The following STYXL1 variants were observed in gnomAD, a reference collection of about 807,000 sequenced individuals.
The protein encoded by STYXL1 is serine/threonine/tyrosine-interacting-like protein 1.
A neutral mutation model predicts 36.4 loss-of-function variants in STYXL1; 32 were observed. That is an observed-to-expected ratio of 0.88 (90% confidence interval 0.66 to 1.18). The LOEUF (loss-of-function observed/expected upper bound fraction) is 1.18. Among genes scored for constraint, STYXL1 ranks in the 50% most tolerant of loss-of-function variants. STYXL1 has a pLI of 0.00. For synonymous variants in STYXL1, 133 were observed against 144.1 expected, an observed-to-expected ratio of 0.92 and a Z score of 0.55; for missense variants, 354 against 394.1, an observed-to-expected ratio of 0.90 and a Z score of 0.86.
intron 8 of STYXL1, chr7:76,000,364 T>C (rs1790735475): frequency 1.1e-5 from 5 of 454,486 alleles, no homozygotes; most frequent in Admixed American, 4.7e-5. Flanking sequence ...TGGGCAAATG[T>C]TGGGGCTTTG....
intron 8 of STYXL1, chr7:76,000,337 T>TC: frequency 2.0e-5 from 9 of 443,450 alleles, no homozygotes; most frequent in South Asian, 1.4e-4. Flanking sequence ...TCCCTCTCCT[T>TC]CCCCCAAAAA....
chr7:76,036,825 C>G (rs1795956968), intron 1 of STYXL1, among the ~76,000 whole-genome samples: 1 of 124,400 alleles, frequency 8.0e-6, no homozygotes. Flanking sequence ...CACTCTGTTG[C>G]CCAGGCTGGA....
chr7:76,028,618 C>T, intron 3 of STYXL1, 24 bp downstream of exon 3: 1 of 1,612,568 alleles, frequency 6.2e-7, no homozygotes, highest in Non-Finnish European at 8.5e-7. Context: ...CAGCCTGCCC[C>T]AGATCCTGAC....
intron 1 of STYXL1, among the ~76,000 whole-genome samples, chr7:76,046,321 TGTGTGTGTGTGTGTGTGTGCGCGCGCGC>T (rs1290291907): frequency 0.15 from 4,862 of 32,840 alleles, 206 homozygotes; most frequent in Admixed American, 0.24. Flanking sequence ...TGTGTGTGTG[TGTGTGTGTGTGTGTGTGTGCGCGCGCGC>T]GCGCGCGCGC....
At chr7:76,016,737 T>C (rs1793425261) in intron 4 of STYXL1, among the ~76,000 whole-genome samples, 1 of 152,066 alleles carries the variant, frequency 6.6e-6, no homozygotes, top group Admixed American at 6.6e-5. Context: ...CAAAAAATAA[T>C]AGATGTTGAC....
At chr7:76,027,313 G>A (rs1554578000) in intron 3 of STYXL1, among the ~76,000 whole-genome samples, 1 of 152,058 alleles carries the variant, frequency 6.6e-6, no homozygotes, top group South Asian at 2.1e-4. Flanking sequence ...AGAGGGGACA[G>A]GAGGGGAATG....
chr7:76,026,192 CAAAAAAAAAAAAAAAAAAAAAAA>C (rs1159067824), intron 3 of STYXL1, among the ~76,000 whole-genome samples: 9 of 18,612 alleles, frequency 4.8e-4, no homozygotes, highest in Admixed American at 1.9e-3. Context: ...ACTCTGTCTC[CAAAAAAAAAAAAAAAAAAAAAAA>C]AAAAAAAAAA....
At position 76,028,663 on chromosome 7, in the gene STYXL1, G is replaced by T. The variant is rs1432458829; in HGVS notation, c.144C>A (p.Ile48=). 6.2e-7 allele frequency: 1 copy of T among 1,613,998 alleles called. No individual in the cohort carries two copies. The highest frequency in any genetic ancestry group is 1.3e-5 in the African/African-American group (1 of 74,930). ...GTACCTTCTTCACTCGAAGGGCAGT[G>T]ATCACATGGCTTTCGTCATACTCCC... ...SKWEYDESHV[I]TALRVKKKNN... The change falls in exon 3 of 9, where the codon ATC becomes ATA. Residue 48 remains isoleucine (I), a synonymous_variant. Transcript: ENST00000359697.
chr7:76,026,306 T>C (rs1034915206), intron 3 of STYXL1, among the ~76,000 whole-genome samples: 4 of 151,064 alleles, frequency 2.6e-5, no homozygotes, highest in Non-Finnish European at 4.4e-5. Context: ...AGTTTTATTT[T>C]ATTACTTTTG....
chr7:76,034,622 T>C (rs1795736681), intron 1 of STYXL1, among the ~76,000 whole-genome samples: 1 of 152,214 alleles, frequency 6.6e-6, no homozygotes, highest in Non-Finnish European at 1.5e-5. Flanking sequence ...AGGGGGTTTC[T>C]CAACCTTGAC....
At chr7:76,043,594 A>G (rs993083146) in intron 1 of STYXL1, among the ~76,000 whole-genome samples, 3 of 152,106 alleles carry the variant, frequency 2.0e-5, no homozygotes, top group Non-Finnish European at 4.4e-5. Flanking sequence ...ACTGGAGGTA[A>G]GAAAGACCCC....
At position 76,030,145 on chromosome 7, in the gene STYXL1, C is replaced by T. The variant is rs529345581; in HGVS notation, c.103+276G>A. On this transcript the variant is annotated intron_variant, in intron 2 of 8. Coordinates refer to ENST00000359697, the MANE Select transcript of STYXL1 (RefSeq NM_001317785.2). ...CCTCCTGAGTAGCTGGGATTACAGG[C>T]ATGCACCACTGCAGCTAATTTTTTT... Among the ~76,000 whole-genome samples, 9 of 152,224 alleles carry T rather than the reference C, an allele frequency of 5.9e-5. No homozygotes were observed. In the East Asian group the frequency reaches 1.5e-3, roughly 26 times the overall value.
intron 4 of STYXL1, among the ~76,000 whole-genome samples, chr7:76,018,548 G>A (rs1442711823): frequency 6.6e-6 from 1 of 152,012 alleles, no homozygotes; most frequent in Non-Finnish European, 1.5e-5. Context: ...ATGCCACCAC[G>A]CCCAGCTAAT....
In STYXL1 at chr7:76,022,012, A is replaced by C; in HGVS notation, c.166-20T>G. ...ATTTTTCTTAAAAAAAAAAACACACACACACAAGAGAGGCCTGTTGGTGGG... is the reference window on the plus strand; with the variant it reads ...ATTTTTCTTAAAAAAAAAAACACACCCACACAAGAGAGGCCTGTTGGTGGG... On this transcript the variant is annotated intron_variant, in intron 3 of 8. Transcript: ENST00000359697. 1.3e-6 allele frequency: 2 copies of C among 1,597,106 alleles called. No individual in the cohort carries two copies. The highest frequency in any genetic ancestry group is 1.7e-6 in the Non-Finnish European group (2 of 1,178,068).
chr7:76,033,954 G>A (rs1329476109), intron 1 of STYXL1, among the ~76,000 whole-genome samples: 1 of 152,164 alleles, frequency 6.6e-6, no homozygotes, highest in Non-Finnish European at 1.5e-5. Flanking sequence ...CTGTAAAATG[G>A]GGGTGAGAAT....
rs782716827 is a variant in STYXL1, at chr7:76,000,887, T to C, written c.810+3A>G. On this transcript the variant is annotated splice_donor_region_variant and intron_variant, in intron 8 of 8. Transcript: ENST00000359697. ...GTGCGAGCCTGGCCCGGGGAACGCA[T>C]ACCTGCAAGGTCTGCTCGTTACTAT... The C allele has an allele frequency of 8.7e-6, 14 of 1,613,060 alleles. No homozygotes were observed. The highest frequency in any genetic ancestry group is 1.1e-5 in the Non-Finnish European group (13 of 1,179,048).
At chr7:76,026,273 G>A (rs1794718822) in intron 3 of STYXL1, among the ~76,000 whole-genome samples, 1 of 147,008 alleles carries the variant, frequency 6.8e-6, no homozygotes, top group African/African-American at 2.5e-5. Flanking sequence ...GAATGGGGAG[G>A]AAAGGGGAAT....
chr7:76,030,850 TAAAAAAAAAA>T (rs1160725857), intron 1 of STYXL1, among the ~76,000 whole-genome samples: 29 of 57,084 alleles, frequency 5.1e-4, no homozygotes, highest in African/African-American at 1.9e-3. Flanking sequence ...CCATCTCTAC[TAAAAAAAAAA>T]AAAAAAAAAA....
chr7:76,034,894 C>G (rs1554580399), intron 1 of STYXL1, among the ~76,000 whole-genome samples: 1 of 152,202 alleles, frequency 6.6e-6, no homozygotes, highest in East Asian at 1.9e-4. Flanking sequence ...CACACACATA[C>G]CAATGATTCC....
Sources: gnomAD v4.1 joint callset for allele counts (sites outside exome capture counted in the v4.1 genomes callset) on GRCh38, gnomAD v4.1.1 for gene constraint, MANE v1.5 for transcripts, NCBI Gene and HGNC (gene_info 2026-07-23, HGNC 2026-07-21) for gene names.